The following FRAS1 variants were observed in gnomAD, a reference collection of about 807,000 sequenced individuals.
FRAS1 encodes extracellular matrix organizing protein FRAS1.
Under a neutral mutation model 435.2 loss-of-function variants are expected in FRAS1, and 290 were observed. The ratio of observed to expected loss-of-function variants is 0.67; its 90% CI spans 0.61 to 0.73. The LOEUF (loss-of-function observed/expected upper bound fraction) is 0.73, where lower values mean the gene tolerates loss of function less well. FRAS1 is among the 30% of genes least tolerant of loss of function. The pLI is 0.00. For missense variants in FRAS1, 4,860 were observed against 5,001.5 expected (o/e 0.97, Z 0.85); for synonymous variants, 1,800 against 1,851.0 (o/e 0.97, Z 0.71).
intron 26 of FRAS1, 184 bp from the exon 27 acceptor site, chr4:78,379,542 A>T (rs1435618932): frequency 3.3e-6 from 2 of 610,464 alleles, no homozygotes; most frequent in African/African-American, 3.8e-5. Flanking sequence ...GGTCTTTTGT[A>T]ACAATGTAAT....
chr4:78,080,249 T>C, intron 2 of FRAS1, among the ~76,000 whole-genome samples: 1 of 152,122 alleles, frequency 6.6e-6, no homozygotes, highest in Non-Finnish European at 1.5e-5. Flanking sequence ...TTTATTCCCC[T>C]GGGGAACAGA....
intron 2 of FRAS1, among the ~76,000 whole-genome samples, chr4:78,166,346 A>G (rs1456906262): frequency 1.3e-5 from 2 of 152,200 alleles, no homozygotes; most frequent in African/African-American, 4.8e-5. Flanking sequence ...GACATAGAAT[A>G]GTAAGAGACA....
intron 14 of FRAS1, among the ~76,000 whole-genome samples, chr4:78,288,571 C>T (rs1727729559): frequency 6.6e-6 from 1 of 152,160 alleles, no homozygotes. Context: ...CATATCTACA[C>T]ACAAATGCCT....
At chr4:78,396,541 G>T (rs923691664) in intron 29 of FRAS1, among the ~76,000 whole-genome samples, 1 of 152,082 alleles carries the variant, frequency 6.6e-6, no homozygotes, top group Non-Finnish European at 1.5e-5. Flanking sequence ...TAAGTGTTTC[G>T]AATATATCAT....
intron 2 of FRAS1, among the ~76,000 whole-genome samples, chr4:78,068,978 T>C (rs1740197625): frequency 6.6e-6 from 1 of 152,198 alleles, no homozygotes; most frequent in African/African-American, 2.4e-5. Flanking sequence ...TGTTCATGTA[T>C]TTTGAATTGA....
intron 21 of FRAS1, 81 bp downstream of exon 21, chr4:78,363,746 C>A: frequency 2.7e-6 from 4 of 1,485,942 alleles, no homozygotes; most frequent in Non-Finnish European, 3.7e-6. Context: ...TCAACCTTTC[C>A]TAAGAGAGAG....
chr4:78,452,033 C>T (rs1719042085), intron 46 of FRAS1, 142 bp downstream of exon 46: 2 of 1,227,384 alleles, frequency 1.6e-6, no homozygotes, highest in Non-Finnish European at 2.3e-6. Flanking sequence ...CCCTTTATTG[C>T]ACGAAGCCCT....
At chr4:78,118,697 A>G (rs1442277867) in intron 2 of FRAS1, among the ~76,000 whole-genome samples, 2 of 152,024 alleles carry the variant, frequency 1.3e-5, no homozygotes, top group African/African-American at 4.8e-5. Context: ...GAGTGACCCG[A>G]TTTTCCAGGT....
chr4:78,538,561 G>A (rs560864868), intron 72 of FRAS1, among the ~76,000 whole-genome samples: 1 of 152,264 alleles, frequency 6.6e-6, no homozygotes, highest in African/African-American at 2.4e-5. Flanking sequence ...AGCATGGCTG[G>A]GGAGGCCTCT....
chr4:78,271,228 T>C (rs1035895092), intron 9 of FRAS1, among the ~76,000 whole-genome samples: 1 of 152,306 alleles, frequency 6.6e-6, no homozygotes, highest in African/African-American at 2.4e-5. Flanking sequence ...TTAAATATAA[T>C]ACAGGCCCCA....
intron 29 of FRAS1, among the ~76,000 whole-genome samples, chr4:78,399,160 T>C (rs9992447): frequency 0.14 from 21,151 of 152,136 alleles, 1,832 homozygotes; most frequent in African/African-American, 0.25. Flanking sequence ...GATTTTGCCC[T>C]GAGCACCAAT....
At position 78,424,379 on chromosome 4, in the gene FRAS1, C is replaced by T. The variant is rs541669781; in HGVS notation, c.4679-9C>T. The T allele has an allele frequency of 8.2e-5, 119 of 1,455,558 alleles. No homozygotes were observed. Among genetic ancestry groups the T allele is most frequent in the Middle Eastern group, 5.2e-4 (3 of 5,776 alleles). The allele number at this position is 1,455,558 out of a possible 1,614,324, so 90.2% of individuals were successfully genotyped here. On this transcript the variant is annotated splice_polypyrimidine_tract_variant and intron_variant, in intron 34 of 73. Transcript: ENST00000512123. ...TTTAATATACTGATTGTCTCTCTTA[C>T]TCTTTTAGGTCTCCCAGAATCAGTG... is the stretch of plus-strand genomic sequence containing the variant.
Position 78,450,273 on chromosome 4 carries a change from G to A in FRAS1, c.6397G>A (p.Gly2133Ser). ...AGGGCGCCTGCAGATGATGAAGCATGGCAACCTGGAGCAAATTTCTATTAA... is the reference window on the plus strand; with the variant it reads ...AGGGCGCCTGCAGATGATGAAGCATAGCAACCTGGAGCAAATTTCTATTAA... ...GAGRLQMMKHGNLEQISIKGP... is the reference protein window; with the variant it reads ...GAGRLQMMKHSNLEQISIKGP... The change falls in exon 45 of 74, where the codon GGC (glycine) becomes AGC (serine). Residue 2133 changes from glycine to serine, a missense_variant. Coordinates refer to ENST00000512123, the MANE Select transcript of FRAS1 (RefSeq NM_025074.7). 6.2e-7 allele frequency: 1 copy of A among 1,613,858 alleles called. No homozygotes were observed. The highest frequency in any genetic ancestry group is 8.5e-7 in the Non-Finnish European group (1 of 1,179,816).
chr4:78,143,409 C>T (rs1353488823), intron 2 of FRAS1, among the ~76,000 whole-genome samples: 4 of 151,698 alleles, frequency 2.6e-5, no homozygotes, highest in East Asian at 3.9e-4. Context: ...GTATATTTCT[C>T]GGTTATTTAT....
intron 23 of FRAS1, among the ~76,000 whole-genome samples, chr4:78,371,293 G>A (rs1468741678): frequency 2.0e-5 from 3 of 152,060 alleles, no homozygotes; most frequent in Non-Finnish European, 2.9e-5. Context: ...CACGTGTACT[G>A]TCTTGCACAT....
chr4:78,201,707 C>A (rs990595411), intron 2 of FRAS1, among the ~76,000 whole-genome samples: 1 of 152,116 alleles, frequency 6.6e-6, no homozygotes, highest in Non-Finnish European at 1.5e-5. Flanking sequence ...AATGCCTGCT[C>A]ATTTTAACTG....
At chr4:78,436,590 G>C (rs1446606680) in intron 38 of FRAS1, among the ~76,000 whole-genome samples, 1 of 152,130 alleles carries the variant, frequency 6.6e-6, no homozygotes, top group Non-Finnish European at 1.5e-5. Context: ...AGGATAACTT[G>C]TGGTCTACTA....
chr4:78,458,555 G>C (rs1560739742), intron 47 of FRAS1, among the ~76,000 whole-genome samples: 1 of 152,134 alleles, frequency 6.6e-6, no homozygotes, highest in Non-Finnish European at 1.5e-5. Flanking sequence ...ACTGGGGAGG[G>C]AGGGAGTGGG....
At chr4:78,278,532 G>A (rs753806660) in intron 9 of FRAS1, 123 bp from the exon 10 acceptor site, 3 of 642,388 alleles carry the variant, frequency 4.7e-6, no homozygotes, top group Non-Finnish European at 8.5e-6. Flanking sequence ...CAGGCAGAGG[G>A]CCAGAGCCAA....
Sources: gnomAD v4.1 joint callset for allele counts (sites outside exome capture counted in the v4.1 genomes callset) on GRCh38, gnomAD v4.1.1 for gene constraint, MANE v1.5 for transcripts, NCBI Gene and HGNC (gene_info 2026-07-23, HGNC 2026-07-21) for gene names.